MAST4: variants seen among roughly 807,000 people sequenced by gnomAD.
The protein encoded by MAST4 is microtubule associated serine/threonine kinase family member 4, also known as microtubule-associated serine/threonine-protein kinase 4.
A neutral mutation model predicts 162.7 loss-of-function variants in MAST4; 89 were observed. That is an observed-to-expected ratio of 0.55 (90% CI 0.46 to 0.65). The LOEUF (loss-of-function observed/expected upper bound fraction) is 0.65, where lower values mean the gene tolerates loss of function less well. Ranked by LOEUF, MAST4 falls within the 30% of genes least tolerant of loss-of-function variation. MAST4 has a pLI of 0.00. For synonymous variants in MAST4, 1,479 were observed against 1,361.1 expected (o/e 1.09, Z -1.91); for missense variants, 3,153 against 3,374.0 (o/e 0.93, Z 1.62).
chr5:67,067,112 T>C (rs1760339612), intron 5 of MAST4, among the ~76,000 whole-genome samples: 2 of 152,226 alleles, frequency 1.3e-5, no homozygotes, highest in Non-Finnish European at 2.9e-5. Flanking sequence ...CTGCCAGACA[T>C]TGAGGACTAT....
chr5:67,159,634 T>G (rs1772959770), intron 26 of MAST4, among the ~76,000 whole-genome samples: 2 of 152,204 alleles, frequency 1.3e-5, no homozygotes, highest in Admixed American at 1.3e-4. Flanking sequence ...CTGGTTATTA[T>G]GAAATTCAGG....
chr5:66,778,795 G>A (rs1754718758), intron 2 of MAST4, among the ~76,000 whole-genome samples: 1 of 152,186 alleles, frequency 6.6e-6, no homozygotes, highest in African/African-American at 2.4e-5. Context: ...CACAGTGGCA[G>A]TGGCAGCTTG....
At position 67,165,259 on chromosome 5, in the gene MAST4, C is replaced by T. The variant is rs1465572441; in HGVS notation, c.6080C>T (p.Thr2027Ile). 1 of 1,613,210 alleles carries T rather than the reference C, an allele frequency of 6.2e-7. No individual in the cohort carries two copies. Among genetic ancestry groups the T allele is most frequent in the South Asian group, 1.1e-5 (1 of 91,048 alleles). ...SVGRTHPDFYTQTQAMEKAWA... is the reference protein window; with the variant it reads ...SVGRTHPDFYIQTQAMEKAWA... ...GGAAGGACCCACCCAGATTTCTATA[C>T]ACAGACCCAGGCCATGGAGAAAGCA... Residue 2027 changes from threonine (T) to isoleucine (I), a missense_variant, in exon 29 of 29, where the codon ACA (threonine) becomes ATA (isoleucine). By Grantham distance (89) the Thr-to-Ile change is moderately conservative (BLOSUM62 -1). Transcript: ENST00000403625.
chr5:67,002,258 G>A (rs376989001), intron 4 of MAST4, among the ~76,000 whole-genome samples: 10 of 151,964 alleles, frequency 6.6e-5, no homozygotes, highest in East Asian at 3.9e-4. Flanking sequence ...CGTCTTCATG[G>A]GATTCTCAAA....
rs574530108 is a variant in MAST4, at chr5:66,618,694, T to A, written c.363+21676T>A. Among the ~76,000 whole-genome samples, 5 of 152,348 alleles carry A rather than the reference T, an allele frequency of 3.3e-5. No homozygotes were observed. In the Middle Eastern group the frequency reaches 0.017, roughly 518 times the overall value. ...TTTACCCTGATCACTTTTGAGTGGA[T>A]CCTCAAATAGCAAGGCAGCTATTAA... On this transcript the variant is annotated intron_variant, in intron 1 of 28. Transcript: ENST00000403625.
chr5:66,877,660 T>G (rs964692053), intron 3 of MAST4, among the ~76,000 whole-genome samples: 3 of 152,210 alleles, frequency 2.0e-5, no homozygotes, highest in Non-Finnish European at 4.4e-5. Flanking sequence ...ACCATTTTCT[T>G]TCAGTGTGTG....
chr5:66,790,492 T>G lies in MAST4; in HGVS notation c.642+1698T>G, dbSNP rs116795748. ...GTTTATGACTTCAAAATTGACTATT[T>G]AAACCAAAATTCATATTTTTTCTCT... On this transcript the variant is annotated intron_variant, in intron 3 of 28. Coordinates refer to ENST00000403625, the MANE Select transcript of MAST4 (RefSeq NM_001164664.2). Among the ~76,000 whole-genome samples the G allele has an allele frequency of 3.1e-3, 475 of 152,368 alleles. 2 individuals carry two copies. The highest frequency in any genetic ancestry group is 0.011 in the African/African-American group (451 of 41,590).
chr5:66,944,014 C>T (rs1370608833), intron 4 of MAST4, among the ~76,000 whole-genome samples: 4 of 152,094 alleles, frequency 2.6e-5, no homozygotes, highest in African/African-American at 7.2e-5. Flanking sequence ...ACCATCTCCC[C>T]GTTCTTTGCT....
At chr5:66,680,660 A>G (rs900358492) in intron 1 of MAST4, among the ~76,000 whole-genome samples, 4 of 152,152 alleles carry the variant, frequency 2.6e-5, no homozygotes, top group African/African-American at 9.7e-5. Flanking sequence ...TCTGGGGGAG[A>G]GAAAAATAAA....
At chr5:67,134,296 T>C (rs1769351822) in intron 17 of MAST4, among the ~76,000 whole-genome samples, 1 of 152,208 alleles carries the variant, frequency 6.6e-6, no homozygotes, top group Non-Finnish European at 1.5e-5. Context: ...ACATTACATA[T>C]AATTTAACAT....
chr5:66,703,456 G>A (rs776971838), intron 1 of MAST4, among the ~76,000 whole-genome samples: 42 of 152,010 alleles, frequency 2.8e-4, no homozygotes, highest in Non-Finnish European at 4.9e-4. Context: ...GGAGCATGGG[G>A]GTGTAGGGAT....
intron 4 of MAST4, chr5:66,902,854 G>T: frequency 2.8e-6 from 1 of 355,830 alleles, no homozygotes; most frequent in South Asian, 2.2e-5. Flanking sequence ...TCTGACCCCA[G>T]ATTCTTCCTG....
At chr5:66,903,588 TATG>T (rs1482743326) in intron 4 of MAST4, among the ~76,000 whole-genome samples, 18 of 152,092 alleles carry the variant, frequency 1.2e-4, no homozygotes, top group African/African-American at 4.1e-4. Context: ...TAGAAAAAAT[TATG>T]ATGATAAATT....
At chr5:67,044,858 C>CT (rs1326008172) in intron 4 of MAST4, among the ~76,000 whole-genome samples, 2 of 152,140 alleles carry the variant, frequency 1.3e-5, no homozygotes, top group African/African-American at 2.4e-5. Flanking sequence ...CTTGCTCCCT[C>CT]TTTTAATTAG....
At chr5:66,733,142 T>G (rs148101577) in intron 1 of MAST4, among the ~76,000 whole-genome samples, 8 of 152,286 alleles carry the variant, frequency 5.3e-5, no homozygotes, top group African/African-American at 1.7e-4. Flanking sequence ...TAAACAAAAA[T>G]GGGTTCCTTT....
intron 4 of MAST4, among the ~76,000 whole-genome samples, chr5:66,901,525 G>T (rs1490028121): frequency 6.6e-6 from 1 of 152,076 alleles, no homozygotes; most frequent in Non-Finnish European, 1.5e-5. Context: ...GGGATCTTTA[G>T]TGAAAAAAGA....
At chr5:66,805,374 A>G (rs1314651510) in intron 3 of MAST4, among the ~76,000 whole-genome samples, 4 of 152,138 alleles carry the variant, frequency 2.6e-5, no homozygotes, top group East Asian at 3.8e-4. Flanking sequence ...ATTTCATGGT[A>G]TGTTTAACAT....
intron 1 of MAST4, among the ~76,000 whole-genome samples, chr5:66,683,232 A>G (rs953728133): frequency 2.0e-5 from 3 of 152,338 alleles, no homozygotes; most frequent in Admixed American, 6.5e-5. Flanking sequence ...AATTCTAAAT[A>G]TGGAAGTTAG....
rs964294689 is a variant in MAST4, at chr5:66,938,147, T to C, written c.674+38165T>C. 3.3e-5 allele frequency among the ~76,000 whole-genome samples: 5 copies of C among 152,164 alleles called. 1 individual carries two copies. The highest frequency in any genetic ancestry group is 1.2e-4 in the African/African-American group (5 of 41,464). On this transcript the variant is annotated intron_variant, in intron 4 of 28. Coordinates refer to ENST00000403625, the MANE Select transcript of MAST4 (RefSeq NM_001164664.2). ...ACCTTTTTCAATACTTTTACCTCTT[T>C]TAGAACTGTCATATTGCCTAGAATC...
Sources: gnomAD v4.1 joint callset for allele counts (sites outside exome capture counted in the v4.1 genomes callset) on GRCh38, gnomAD v4.1.1 for gene constraint, MANE v1.5 for transcripts, NCBI Gene and HGNC (gene_info 2026-07-23, HGNC 2026-07-21) for gene names.